Variants in VCPKMT observed in about 807,000 individuals in gnomAD.
VCPKMT encodes valosin containing protein lysine methyltransferase, also known as protein N-lysine methyltransferase METTL21D.
Under a neutral mutation model 28.6 loss-of-function variants are expected in VCPKMT, and 32 were observed. The ratio of observed to expected loss-of-function variants is 1.12; its 90% CI spans 0.84 to 1.50. VCPKMT has a LOEUF of 1.50. VCPKMT is among the 40% of genes most tolerant of loss of function. The pLI is 0.00. For synonymous variants in VCPKMT, 138 were observed against 111.4 expected, an observed-to-expected ratio of 1.24 and a Z score of -1.50; for missense variants, 366 against 285.0, an observed-to-expected ratio of 1.28 and a Z score of -2.05.
At chr14:50,103,731 G>A (rs372273527), downstream of VCPKMT, among the ~76,000 whole-genome samples, 2 of 152,196 alleles carry the variant, frequency 1.3e-5, no homozygotes, top group Non-Finnish European at 2.9e-5. Context: ...AACAGTACAT[G>A]TTGTGTAACA....
downstream of VCPKMT, among the ~76,000 whole-genome samples, chr14:50,106,392 G>C (rs893125477): frequency 2.6e-5 from 4 of 152,214 alleles, no homozygotes; most frequent in African/African-American, 9.6e-5. Flanking sequence ...AGTCCCTTGG[G>C]ATTTGGGAAT....
intron 5 of VCPKMT, chr14:50,111,998 G>C: frequency 1.0e-6 from 1 of 984,696 alleles, no homozygotes; most frequent in Non-Finnish European, 1.2e-6. Flanking sequence ...GGTAAAACAT[G>C]CACCAAGAAG....
At position 50,109,557 on chromosome 14, in the gene VCPKMT, C is replaced by T; in HGVS notation, c.*142G>A. 7.3e-7 allele frequency: 1 copy of T among 1,368,508 alleles called. No individual in the cohort carries two copies. Among genetic ancestry groups the T allele is most frequent in the Non-Finnish European group, 9.4e-7 (1 of 1,063,020 alleles). The allele number at this position is 1,368,508 out of a possible 1,614,324, so 84.8% of individuals were successfully genotyped here. A position where few individuals can be genotyped will look rare whatever the true frequency, so the allele number is the denominator to read the frequency against. ...CGTATTGCAGACAGCCCCTGGTGGT[C>T]ATCATCTATACATCGGATCTCTAAG... On this transcript the variant is annotated 3_prime_UTR_variant, in exon 6 of 6. Coordinates refer to ENST00000395860, the MANE Select transcript of VCPKMT (RefSeq NM_024558.3).
chr14:50,113,002 G>A (rs965450855), intron 4 of VCPKMT, among the ~76,000 whole-genome samples: 1 of 152,270 alleles, frequency 6.6e-6, no homozygotes. Context: ...TGACCAGGCT[G>A]GTCTCGAACT....
At position 50,108,765 on chromosome 14, in the gene VCPKMT, A is replaced by G. The variant is rs187869381; in HGVS notation, c.*934T>C. 33 of 985,776 alleles carry G rather than the reference A, an allele frequency of 3.3e-5. No homozygotes were observed. The highest frequency in any genetic ancestry group is 5.2e-4 in the Middle Eastern group (1 of 1,914). 61.1% of individuals were successfully genotyped at this position (985,776 alleles called of 1,614,324 possible). A position where few individuals can be genotyped will look rare whatever the true frequency, so the allele number is the denominator to read the frequency against. Reference sequence around the variant, plus strand: ...ATTAAAGTCCTTGACAGATTATTGTATATGAGCGAATGGCTTCATAACATA... The same window carrying G: ...ATTAAAGTCCTTGACAGATTATTGTGTATGAGCGAATGGCTTCATAACATA... On this transcript the variant is annotated 3_prime_UTR_variant, in exon 6 of 6. Transcript: ENST00000395860.
chr14:50,109,662 C>A lies in VCPKMT; in HGVS notation c.*37G>T. ...GCTCTATTCACATCTTTAGTTTACC[C>A]AGGTTGTTAGAGCCTTGGGTAAGAT... On this transcript the variant is annotated 3_prime_UTR_variant, in exon 6 of 6. Coordinates refer to ENST00000395860, the MANE Select transcript of VCPKMT (RefSeq NM_024558.3). The A allele has an allele frequency of 7.6e-6, 12 of 1,588,368 alleles. No individual in the cohort carries two copies. The highest frequency in any genetic ancestry group is 9.4e-6 in the Non-Finnish European group (11 of 1,169,702).
At position 50,113,810 on chromosome 14, in the gene VCPKMT, T is replaced by TG. The variant is rs1263256336; in HGVS notation, c.570+474dup. Reference sequence around the variant, plus strand: ...ACTTGGGGGCGGGGGGGGGGGGGGGTGACACTGAGGCAGGAGGATCACTTG... The same window carrying TG: ...ACTTGGGGGCGGGGGGGGGGGGGGGTGGACACTGAGGCAGGAGGATCACTTG... On this transcript the variant is annotated intron_variant, in intron 4 of 5. Transcript: ENST00000395860. 3.5e-4 allele frequency among the ~76,000 whole-genome samples: 4 copies of TG among 11,494 alleles called. 1 individual carries two copies. Among genetic ancestry groups the TG allele is most frequent in the Admixed American group, 2.7e-3 (2 of 744 alleles). The allele number at this position is 11,494 out of a possible 152,430, so 7.5% of individuals were successfully genotyped here.
chr14:50,107,093 A>T (rs1470555594), downstream of VCPKMT, among the ~76,000 whole-genome samples: 1 of 152,206 alleles, frequency 6.6e-6, no homozygotes, highest in Non-Finnish European at 1.5e-5. Flanking sequence ...ACTAAATTAC[A>T]TTCCCTAACA....
chr14:50,111,171 T>C (rs1273180244), intron 5 of VCPKMT: 1 of 906,970 alleles, frequency 1.1e-6, no homozygotes, highest in Non-Finnish European at 1.3e-6. Context: ...ATAAGAGTTT[T>C]TTTTTTTGGC....
Position 50,116,077 on chromosome 14 carries a change from T to A in VCPKMT, c.369A>T (p.Val123=), listed in dbSNP as rs573801687. 30 of 1,611,178 alleles carry A rather than the reference T, an allele frequency of 1.9e-5. No homozygotes were observed. Among genetic ancestry groups the A allele is most frequent in the Middle Eastern group, 1.7e-4 (1 of 6,040 alleles). The change falls in exon 2 of 6, where the codon GTA becomes GTT. Residue 123 remains valine (V), a synonymous_variant. Coordinates refer to ENST00000395860, the MANE Select transcript of VCPKMT (RefSeq NM_024558.3). ...TGAAAGGCCATACAAACCATTTCAG[T>A]ACCTTGGCTTGAACAGAACCAGTGA... is the stretch of plus-strand genomic sequence containing the variant. ...HLVTGSVQAK[V]LKWGEEIEGF... is the part of the protein sequence containing the mutation.
chr14:50,109,375 T>C lies in VCPKMT; in HGVS notation c.*324A>G, dbSNP rs1159072177. On this transcript the variant is annotated 3_prime_UTR_variant, in exon 6 of 6. Coordinates refer to ENST00000395860, the MANE Select transcript of VCPKMT (RefSeq NM_024558.3). ...GCTTCCTGTAAAAGGTCCAGTCAAA[T>C]CATGTTGGCTGTTTTTGGCAGATTT... 3 of 1,079,648 alleles carry C rather than the reference T, an allele frequency of 2.8e-6. No homozygotes were observed. Among genetic ancestry groups the C allele is most frequent in the Non-Finnish European group, 3.4e-6 (3 of 892,540 alleles). 66.9% of individuals were successfully genotyped at this position (1,079,648 alleles called of 1,614,324 possible). A position where few individuals can be genotyped will look rare whatever the true frequency, so the allele number is the denominator to read the frequency against.
chr14:50,111,454 C>CAAA, intron 5 of VCPKMT: 1 of 985,388 alleles, frequency 1.0e-6, no homozygotes, highest in Non-Finnish European at 1.2e-6. Flanking sequence ...GAAAACTTTA[C>CAAA]CACAAACATA....
At position 50,113,794 on chromosome 14, in the gene VCPKMT, C is replaced by CTGGGGG. The variant is rs1356359583; in HGVS notation, c.570+490_570+491insCCCCCA. Among the ~76,000 whole-genome samples the CTGGGGG allele has an allele frequency of 1.3e-3, 11 of 8,328 alleles. 2 individuals carry two copies. Among genetic ancestry groups the CTGGGGG allele is most frequent in the African/African-American group, 2.9e-3 (10 of 3,442 alleles). 5.5% of individuals were successfully genotyped at this position (8,328 alleles called of 152,430 possible). A position where few individuals can be genotyped will look rare whatever the true frequency, so the allele number is the denominator to read the frequency against. Reference sequence around the variant, plus strand: ...GCCTATAGTCCCACTTACTTGGGGGCGGGGGGGGGGGGGGGTGACACTGAG... The same window carrying CTGGGGG: ...GCCTATAGTCCCACTTACTTGGGGGCTGGGGGGGGGGGGGGGGGGGGTGACACTGAG... On this transcript the variant is annotated intron_variant, in intron 4 of 5. Transcript: ENST00000395860.
downstream of VCPKMT, among the ~76,000 whole-genome samples, chr14:50,105,461 T>A (rs1161091881): frequency 6.6e-6 from 1 of 152,098 alleles, no homozygotes; most frequent in Non-Finnish European, 1.5e-5. Flanking sequence ...TGAAACCCCA[T>A]CTCTACTAAA....
intron 4 of VCPKMT, 43 bp from the exon 5 acceptor site, chr14:50,112,762 A>C (rs984095772): frequency 9.6e-6 from 13 of 1,359,826 alleles, no homozygotes; most frequent in Non-Finnish European, 1.3e-5. Context: ...AATAATATGA[A>C]CTGACCTGTG....
At chr14:50,103,613 C>A in the VCPKMT span, among the ~76,000 whole-genome samples, 1 of 152,158 alleles carries the variant, frequency 6.6e-6, no homozygotes, top group South Asian at 2.1e-4. Flanking sequence ...TCCCTATTGG[C>A]CTTCGAATGC....
intron 5 of VCPKMT, chr14:50,111,799 T>A: frequency 1.4e-6 from 1 of 699,492 alleles, no homozygotes; most frequent in African/African-American, 1.9e-5. Flanking sequence ...GGTGGGAGGA[T>A]CACTTCTTGA....
Position 50,116,194 on chromosome 14 carries a change from C to G in VCPKMT, c.267-15G>C, listed in dbSNP as rs186877557. 2 of 1,613,874 alleles carry G rather than the reference C, an allele frequency of 1.2e-6. No individual in the cohort carries two copies. Among genetic ancestry groups the G allele is most frequent in the Non-Finnish European group, 1.7e-6 (2 of 1,179,946 alleles). ...CAACATCAGCCCTATAAAATAACGTCGACTGAGGTGTAGGCACAGGGGGGA... is the reference window on the plus strand; with the variant it reads ...CAACATCAGCCCTATAAAATAACGTGGACTGAGGTGTAGGCACAGGGGGGA... On this transcript the variant is annotated splice_polypyrimidine_tract_variant and intron_variant, in intron 1 of 5. Coordinates refer to ENST00000395860, the MANE Select transcript of VCPKMT (RefSeq NM_024558.3).
At chr14:50,108,619 A>G (rs982543298), downstream of VCPKMT, 1 of 985,772 alleles carries the variant, frequency 1.0e-6, no homozygotes, top group African/African-American at 1.7e-5. Context: ...GGTATTTCTG[A>G]AATTCACAGT....
Sources: gnomAD v4.1 joint callset for allele counts (sites outside exome capture counted in the v4.1 genomes callset) on GRCh38, gnomAD v4.1.1 for gene constraint, MANE v1.5 for transcripts, NCBI Gene and HGNC (gene_info 2026-07-23, HGNC 2026-07-21) for gene names.